VRTN: variants seen among roughly 807,000 people sequenced by gnomAD.
The protein encoded by VRTN is vertnin.
In VRTN, 5 loss-of-function variants were observed where a neutral mutation model predicts 18.2. The ratio of observed to expected loss-of-function variants is 0.27; its 90% confidence interval spans 0.14 to 0.58. The LOEUF (loss-of-function observed/expected upper bound fraction) is 0.58. Ranked by LOEUF, VRTN falls within the 20% of genes least tolerant of loss-of-function variation. The pLI, the probability that VRTN is intolerant of heterozygous loss-of-function variation, is 0.91. For missense variants in VRTN, 741 were observed against 939.4 expected (o/e 0.79, Z 2.76); for synonymous variants, 381 against 393.7 (o/e 0.97, Z 0.38).
chr14:74,320,297 G>C (rs1184239442), intron 1 of VRTN, among the ~76,000 whole-genome samples: 1 of 112,760 alleles, frequency 8.9e-6, no homozygotes, highest in Non-Finnish European at 1.6e-5. Context: ...GTCTCGCTCT[G>C]TCGCCCAGGC....
chr14:74,336,768 C>T (rs562569193), intron 1 of VRTN, among the ~76,000 whole-genome samples: 2 of 151,964 alleles, frequency 1.3e-5, no homozygotes, highest in East Asian at 3.9e-4. Flanking sequence ...AGCGAAACTC[C>T]ATCTCAAAAA....
chr14:74,327,643 C>T (rs2085496203), intron 1 of VRTN, among the ~76,000 whole-genome samples: 1 of 152,214 alleles, frequency 6.6e-6, no homozygotes, highest in South Asian at 2.1e-4. Flanking sequence ...CCTCCTTCCT[C>T]TCTTGCAAGC....
intron 1 of VRTN, chr14:74,306,647 G>T (rs1461463150): frequency 1.4e-5 from 2 of 145,990 alleles, no homozygotes; most frequent in African/African-American, 5.1e-5. Flanking sequence ...CTTGCTCTGT[G>T]GTCCAGGTAG....
At chr14:74,340,334 A>G (rs977287952) in intron 2 of VRTN, among the ~76,000 whole-genome samples, 7 of 150,800 alleles carry the variant, frequency 4.6e-5, no homozygotes, top group African/African-American at 1.7e-4. Flanking sequence ...CTGGTCTCAA[A>G]CTCCTGACCT....
At chr14:74,303,126 TGG>T (rs1308815011) in exon 1 of VRTN, 3 of 451,178 alleles carry the variant, frequency 6.6e-6, no homozygotes, top group African/African-American at 6.1e-5. Context: ...CCATATTTTC[TGG>T]GAGACTTCCC....
At chr14:74,311,457 GT>G (rs1341757179) in intron 1 of VRTN, among the ~76,000 whole-genome samples, 4 of 143,860 alleles carry the variant, frequency 2.8e-5, no homozygotes, top group Non-Finnish European at 4.5e-5. Context: ...CTCTCATTCT[GT>G]TGTCCAAGCT....
chr14:74,356,066 A>G (rs2085725380), intron 1 of VRTN, among the ~76,000 whole-genome samples: 1 of 152,056 alleles, frequency 6.6e-6, no homozygotes, highest in Non-Finnish European at 1.5e-5. Context: ...TCCTGGACTC[A>G]AGCAGTCCAC....
chr14:74,302,997 C>T (rs2085122685), upstream of VRTN: 2 of 1,354,074 alleles, frequency 1.5e-6, no homozygotes, highest in Non-Finnish European at 2.0e-6. Context: ...GCCCCGGCTA[C>T]CACAGAGACG....
chr14:74,315,138 A>G (rs747860828), intron 1 of VRTN, among the ~76,000 whole-genome samples: 9 of 152,228 alleles, frequency 5.9e-5, no homozygotes, highest in Non-Finnish European at 1.2e-4. Context: ...AGTTCAAAGT[A>G]TCAGCATGCC....
upstream of VRTN, among the ~76,000 whole-genome samples, chr14:74,344,799 T>C (rs769777436): frequency 5.3e-5 from 8 of 149,702 alleles, no homozygotes; most frequent in Non-Finnish European, 1.0e-4. Context: ...TAAATTTCAT[T>C]GGACAGTAGT....
intron 1 of VRTN, among the ~76,000 whole-genome samples, chr14:74,332,793 C>A (rs1413281051): frequency 6.6e-6 from 1 of 152,142 alleles, no homozygotes; most frequent in Non-Finnish European, 1.5e-5. Context: ...CCACTTGGAC[C>A]CAGCAGTGTG....
intron 2 of VRTN, among the ~76,000 whole-genome samples, chr14:74,343,187 T>G (rs1432099430): frequency 6.6e-6 from 1 of 152,060 alleles, no homozygotes; most frequent in Non-Finnish European, 1.5e-5. Flanking sequence ...AGTGCAGTGC[T>G]GCGACCTTGG....
chr14:74,321,877 G>C (rs1171508801), intron 1 of VRTN, among the ~76,000 whole-genome samples: 1 of 151,174 alleles, frequency 6.6e-6, no homozygotes, highest in Non-Finnish European at 1.5e-5. Flanking sequence ...TCTTGCTCTT[G>C]TCCCACAGGC....
rs1039517649 is a variant in VRTN, at chr14:74,357,934, A to G, written c.1151A>G (p.Glu384Gly). The G allele has an allele frequency of 4.3e-6, 7 of 1,614,166 alleles. No individual in the cohort carries two copies. Among genetic ancestry groups the G allele is most frequent in the Non-Finnish European group, 5.9e-6 (7 of 1,180,016 alleles). Residue 384 changes from glutamate (E) to glycine (G), a missense_variant, in exon 2 of 2, where the codon GAG (glutamate) becomes GGG (glycine). Glu to Gly is a moderately conservative substitution (Grantham distance 98). Transcript: ENST00000256362. The surrounding 1 kb of genome is among the most constrained non-coding windows in gnomAD (Gnocchi z 7.8). ...LEKLPEEQVA[E>G]EELECSALAV... is the part of the protein sequence containing the mutation. ...AAGCTGCCGGAGGAGCAGGTGGCTG[A>G]GGAGGAGCTGGAGTGCTCCGCACTG...
Position 74,356,986 on chromosome 14 carries a change from A to C in VRTN, c.203A>C (p.Glu68Ala), listed in dbSNP as rs140246685. ...VDSVALSLYP[E>A]DAPRNMLPLV... is the part of the protein sequence containing the mutation. Reference sequence around the variant, plus strand: ...TCGGTGGCCCTGAGCCTGTATCCAGAAGATGCTCCACGGAACATGCTGCCG... The same window carrying C: ...TCGGTGGCCCTGAGCCTGTATCCAGCAGATGCTCCACGGAACATGCTGCCG... Residue 68 changes from glutamate to alanine, a missense_variant, in exon 2 of 2, where the codon GAA becomes GCA. Around this residue, in one of 3 missense-constraint regions of VRTN, gnomAD observed 186 missense variants for 288.3 expected, o/e 0.65. Coordinates refer to ENST00000256362, the MANE Select transcript of VRTN (RefSeq NM_018228.3). 2.8e-4 allele frequency: 458 copies of C among 1,612,228 alleles called. 1 individual carries two copies. The African/African-American group carries it at 5.3e-3, about 19-fold the overall frequency.
chr14:74,319,341 C>T (rs567724219), intron 1 of VRTN, among the ~76,000 whole-genome samples: 2 of 152,262 alleles, frequency 1.3e-5, no homozygotes, highest in Admixed American at 6.5e-5. Context: ...CTGGCCCCCT[C>T]GGGATGTATT....
intron 1 of VRTN, chr14:74,305,291 C>T (rs962599103): frequency 2.7e-5 from 4 of 147,910 alleles, no homozygotes; most frequent in African/African-American, 1.0e-4. Flanking sequence ...GAGATTGTGC[C>T]ATTGTACTCC....
At position 74,349,340 on chromosome 14, in the gene VRTN, C is replaced by T. The variant is rs1054880268; in HGVS notation, c.-2+688C>T. 1.3e-3 allele frequency among the ~76,000 whole-genome samples: 175 copies of T among 139,928 alleles called. 1 individual carries two copies. Among genetic ancestry groups the T allele is most frequent in the African/African-American group, 4.3e-3 (161 of 37,772 alleles). The allele number at this position is 139,928 out of a possible 152,430, so 91.8% of individuals were successfully genotyped here. On this transcript the variant is annotated intron_variant, in intron 1 of 1. Coordinates refer to ENST00000256362, the MANE Select transcript of VRTN (RefSeq NM_018228.3). ...TGGCGCTCCCTTAGGCCCTGGCAGG[C>T]GCAGCCTGTGCAGTCGGGCTGGTGT...
chr14:74,342,501 GTA>G (rs903574372), intron 2 of VRTN, among the ~76,000 whole-genome samples: 32 of 152,108 alleles, frequency 2.1e-4, no homozygotes, highest in African/African-American at 6.5e-4. Flanking sequence ...GTATATATGT[GTA>G]TGTGTGTGCA....
Sources: gnomAD v4.1 joint callset for allele counts (sites outside exome capture counted in the v4.1 genomes callset) on GRCh38, gnomAD v4.1.1 for gene constraint, gnomAD v4.1.1 regional missense constraint, Gnocchi (gnomAD v3.1) non-coding constraint, MANE v1.5 for transcripts, NCBI Gene and HGNC (gene_info 2026-07-23, HGNC 2026-07-21) for gene names.